The following TOX variants were observed in gnomAD, a reference collection of about 807,000 sequenced individuals.
The protein encoded by TOX is thymocyte selection associated high mobility group box, also known as thymocyte selection-associated high mobility group box protein TOX.
A neutral mutation model predicts 53.7 loss-of-function variants in TOX; 11 were observed. That is an observed-to-expected ratio of 0.20 (90% CI 0.13 to 0.34). The LOEUF is 0.34. Among genes scored for constraint, TOX ranks in the 10% least tolerant of loss-of-function variants. TOX has a pLI of 1.00. For synonymous variants in TOX, 225 were observed against 245.3 expected (o/e 0.92, Z 0.77); for missense variants, 570 against 664.6 (o/e 0.86, Z 1.56).
At chr8:59,061,169 T>C (rs1270477639) in intron 1 of TOX, among the ~76,000 whole-genome samples, 4 of 152,324 alleles carry the variant, frequency 2.6e-5, no homozygotes, top group African/African-American at 4.8e-5. Flanking sequence ...GTTTACAAAA[T>C]TGTAAACCAA....
At chr8:59,069,010 A>G (rs1804145128) in intron 1 of TOX, among the ~76,000 whole-genome samples, 1 of 152,188 alleles carries the variant, frequency 6.6e-6, no homozygotes, top group Admixed American at 6.5e-5. Flanking sequence ...GGATTGAAAC[A>G]GCAAGGCTCA....
At chr8:58,909,728 G>A (rs1811878766) in intron 3 of TOX, among the ~76,000 whole-genome samples, 1 of 151,298 alleles carries the variant, frequency 6.6e-6, no homozygotes, top group South Asian at 2.1e-4. Context: ...CATGATCTTG[G>A]CTCACTGCAA....
chr8:59,051,462 C>T (rs992911157), intron 1 of TOX, among the ~76,000 whole-genome samples: 8 of 151,918 alleles, frequency 5.3e-5, no homozygotes, highest in South Asian at 2.1e-4. Context: ...TTTAAAATTG[C>T]GCCAGAAATC....
intron 3 of TOX, among the ~76,000 whole-genome samples, chr8:58,864,920 T>C (rs771921957): frequency 6.6e-6 from 1 of 152,202 alleles, no homozygotes; most frequent in Non-Finnish European, 1.5e-5. Context: ...AAAAATACAG[T>C]TTCCTTTCAC....
intron 1 of TOX, among the ~76,000 whole-genome samples, chr8:59,001,858 T>C (rs2129418156): frequency 6.6e-6 from 1 of 151,998 alleles, no homozygotes; most frequent in African/African-American, 2.4e-5. Flanking sequence ...AATAAAATAG[T>C]CATAGGAGAA....
chr8:59,070,847 C>T (rs1586001288), intron 1 of TOX, among the ~76,000 whole-genome samples: 1 of 152,094 alleles, frequency 6.6e-6, no homozygotes, highest in African/African-American at 2.4e-5. Context: ...TGTACAATTA[C>T]CTCAGAGGGG....
At chr8:58,942,179 G>A (rs982716610) in intron 2 of TOX, among the ~76,000 whole-genome samples, 2 of 151,892 alleles carry the variant, frequency 1.3e-5, no homozygotes, top group Non-Finnish European at 2.9e-5. Context: ...AAATACTAAG[G>A]GATAATCCAC....
At chr8:59,103,219 C>T (rs149842784) in intron 1 of TOX, among the ~76,000 whole-genome samples, 21 of 152,182 alleles carry the variant, frequency 1.4e-4, no homozygotes, top group African/African-American at 4.1e-4. Context: ...GTCAAGCTTT[C>T]TTATCAAAAG....
chr8:58,927,704 C>T (rs1812188677), intron 3 of TOX, among the ~76,000 whole-genome samples: 1 of 152,152 alleles, frequency 6.6e-6, no homozygotes, highest in Non-Finnish European at 1.5e-5. Flanking sequence ...ATAAGAAAAA[C>T]CCAGACCACA....
intron 1 of TOX, among the ~76,000 whole-genome samples, chr8:59,011,184 A>T (rs1000762711): frequency 1.3e-5 from 2 of 152,258 alleles, no homozygotes; most frequent in Non-Finnish European, 2.9e-5. Context: ...GTAACTGGAC[A>T]TTGTTTAACA....
chr8:58,955,271 G>A (rs1183921738), intron 2 of TOX, among the ~76,000 whole-genome samples: 1 of 151,974 alleles, frequency 6.6e-6, no homozygotes, highest in African/African-American at 2.4e-5. Context: ...ATATGATCTC[G>A]GGCCAGGATA....
chr8:58,896,538 G>A (rs1294603747), intron 3 of TOX, among the ~76,000 whole-genome samples: 1 of 152,184 alleles, frequency 6.6e-6, no homozygotes, highest in Non-Finnish European at 1.5e-5. Context: ...GGCTGGGCAT[G>A]GTGGCATGTG....
intron 3 of TOX, among the ~76,000 whole-genome samples, chr8:58,854,988 T>C (rs1810890294): frequency 6.6e-6 from 1 of 152,216 alleles, no homozygotes; most frequent in Admixed American, 6.5e-5. Flanking sequence ...GTAAAGATAT[T>C]GATTGACTAC....
At chr8:58,845,346 A>G (rs1334999243) in intron 4 of TOX, among the ~76,000 whole-genome samples, 3 of 152,138 alleles carry the variant, frequency 2.0e-5, no homozygotes, top group Non-Finnish European at 2.9e-5. Flanking sequence ...ACTCCTCTCC[A>G]TAGAAACAGG....
intron 1 of TOX, among the ~76,000 whole-genome samples, chr8:58,969,549 T>A (rs529876036): frequency 5.3e-5 from 8 of 152,362 alleles, no homozygotes; most frequent in African/African-American, 1.9e-4. Flanking sequence ...CCTGCTGATT[T>A]ATCTAAATTT....
chr8:58,903,122 C>G (rs1032926704), intron 3 of TOX, among the ~76,000 whole-genome samples: 2 of 152,216 alleles, frequency 1.3e-5, no homozygotes, highest in African/African-American at 4.8e-5. Context: ...TTCATTTGGT[C>G]TATTTCAAGC....
chr8:58,851,063 CACTT>C lies in TOX; in HGVS notation c.693+457_693+460del, dbSNP rs1372234241. ...GAAAGGAGTCATCTAATATCCCTGG[CACTT>C]ACTTTCCACGTCCTCAATATGAAAT... On this transcript the variant is annotated intron_variant, in intron 4 of 8. Transcript: ENST00000361421. This position sits in a 1 kb window ranked among gnomAD's most constrained non-coding sequence, Gnocchi z 4.4. Among the ~76,000 whole-genome samples the C allele has an allele frequency of 1.3e-5, 2 of 152,044 alleles. No individual in the cohort carries two copies. Among genetic ancestry groups the C allele is most frequent in the Admixed American group, 1.3e-4 (2 of 15,264 alleles).
At chr8:58,951,704 C>T (rs1812624687) in intron 2 of TOX, among the ~76,000 whole-genome samples, 2 of 152,184 alleles carry the variant, frequency 1.3e-5, no homozygotes, top group African/African-American at 2.4e-5. Context: ...AACAGGAAAG[C>T]CTTCGTTACT....
At position 59,044,668 on chromosome 8, in the gene TOX, G is replaced by A. The variant is rs566103722; in HGVS notation, c.102+74218C>T. On this transcript the variant is annotated intron_variant, in intron 1 of 8. Transcript: ENST00000361421. Reference sequence around the variant, plus strand: ...AAATCTAAATCTCTTTTTTTATTGTGTTAAAATAGAGGGTTTTAAGATTCT... The same window carrying A: ...AAATCTAAATCTCTTTTTTTATTGTATTAAAATAGAGGGTTTTAAGATTCT... 5.3e-5 allele frequency among the ~76,000 whole-genome samples: 8 copies of A among 152,098 alleles called. No individual in the cohort carries two copies. The South Asian group carries it at 1.2e-3, about 24-fold the overall frequency.
Sources: gnomAD v4.1 joint callset for allele counts (sites outside exome capture counted in the v4.1 genomes callset) on GRCh38, gnomAD v4.1.1 for gene constraint, Gnocchi (gnomAD v3.1) non-coding constraint, MANE v1.5 for transcripts, NCBI Gene and HGNC (gene_info 2026-07-23, HGNC 2026-07-21) for gene names.